CARMIL1: variants seen among roughly 807,000 people sequenced by gnomAD.
CARMIL1 encodes F-actin-uncapping protein LRRC16A.
CARMIL1 carries 90 observed loss-of-function variants against 177.1 expected under a neutral mutation model. The observed-to-expected ratio is 0.51, with a 90% CI of 0.43 to 0.61. The LOEUF is 0.61. Ranked by LOEUF, CARMIL1 falls within the 20% of genes least tolerant of loss-of-function variation. The pLI is 0.00. For missense variants in CARMIL1, 1,380 were observed against 1,667.0 expected, an observed-to-expected ratio of 0.83 and a Z score of 3.00; for synonymous variants, 577 against 606.2, an observed-to-expected ratio of 0.95 and a Z score of 0.71.
At chr6:25,474,541 C>T (rs115711204) in intron 11 of CARMIL1, among the ~76,000 whole-genome samples, 1,752 of 152,246 alleles carry the variant, frequency 0.012, 38 homozygotes, top group African/African-American at 0.04. Context: ...AAATCTCCAG[C>T]GTAACTTGTC....
At chr6:25,521,601 C>T (rs1415432454) in intron 23 of CARMIL1, among the ~76,000 whole-genome samples, 5 of 152,122 alleles carry the variant, frequency 3.3e-5, no homozygotes, top group Non-Finnish European at 5.9e-5. Flanking sequence ...AACCCCGTCT[C>T]TACTGAAAAT....
In CARMIL1 at chr6:25,619,560, GAA is replaced by G; in HGVS notation, c.4097_4098del (p.Lys1366ArgfsTer21). On this transcript the variant is annotated frameshift_variant, in exon 37 of 37. Transcript: ENST00000329474. LOFTEE classifies it high-confidence loss of function. ...ATCTAATGACTCCGGGGAAGAAGCA[GAA>G]AAAGAGTTTATTTTTGTGTAAAGGT... ...SKSNDSGEEA[E>X]KEFIFV The G allele has an allele frequency of 6.2e-7, 1 of 1,613,632 alleles. No homozygotes were observed. The highest frequency in any genetic ancestry group is 8.5e-7 in the Non-Finnish European group (1 of 1,179,762).
At position 25,567,706 on chromosome 6, in the gene CARMIL1, G is replaced by A. The variant is rs115015334; in HGVS notation, c.2742+10856G>A. 7.2e-3 allele frequency among the ~76,000 whole-genome samples: 1,095 copies of A among 152,328 alleles called. 7 individuals carry two copies. The highest frequency in any genetic ancestry group is 0.031 in the Middle Eastern group (9 of 294). ...ACAAAAAGAAGTGGCCTAAATGTGGGTGGAGGGAGAAAGAAAACTAGTGCA... is the reference window on the plus strand; with the variant it reads ...ACAAAAAGAAGTGGCCTAAATGTGGATGGAGGGAGAAAGAAAACTAGTGCA... On this transcript the variant is annotated intron_variant, in intron 29 of 36. Transcript: ENST00000329474.
intron 2 of CARMIL1, among the ~76,000 whole-genome samples, chr6:25,411,460 A>C (rs144620276): frequency 2.7e-4 from 41 of 152,322 alleles, no homozygotes; most frequent in African/African-American, 8.7e-4. Flanking sequence ...ACATTGTTCT[A>C]ACAGAATCAC....
intron 26 of CARMIL1, among the ~76,000 whole-genome samples, chr6:25,544,587 T>C (rs979293748): frequency 3.4e-5 from 5 of 148,202 alleles, no homozygotes; most frequent in African/African-American, 1.2e-4. Context: ...AAAACTGAGA[T>C]CATTTACTGT....
chr6:25,492,712 G>A (rs1803360887), intron 15 of CARMIL1, among the ~76,000 whole-genome samples: 1 of 152,014 alleles, frequency 6.6e-6, no homozygotes, highest in Admixed American at 6.6e-5. Flanking sequence ...CATGGGTATT[G>A]GTTAATATTA....
chr6:25,611,528 G>A (rs1816504468), intron 36 of CARMIL1, among the ~76,000 whole-genome samples: 1 of 152,130 alleles, frequency 6.6e-6, no homozygotes, highest in Admixed American at 6.5e-5. Context: ...TTCTGCAACT[G>A]CTGACTTTAC....
intron 5 of CARMIL1, among the ~76,000 whole-genome samples, chr6:25,444,321 TA>T (rs1211637495): frequency 2.2e-4 from 33 of 146,866 alleles, no homozygotes; most frequent in South Asian, 2.2e-4. Context: ...CAAGGGACAT[TA>T]AAAAAAAAAG....
At chr6:25,565,593 T>G (rs1400199184) in intron 29 of CARMIL1, among the ~76,000 whole-genome samples, 1 of 152,230 alleles carries the variant, frequency 6.6e-6, no homozygotes, top group African/African-American at 2.4e-5. Context: ...ACGCCTGTAA[T>G]CCTAGCACTT....
chr6:25,305,996 A>G (rs1246234867), intron 2 of CARMIL1, among the ~76,000 whole-genome samples: 3 of 152,206 alleles, frequency 2.0e-5, no homozygotes, highest in Non-Finnish European at 4.4e-5. Flanking sequence ...GTTCAGCGGC[A>G]TGAAGTATAT....
intron 11 of CARMIL1, among the ~76,000 whole-genome samples, chr6:25,477,491 C>G (rs180885437): frequency 6.6e-6 from 1 of 152,172 alleles, no homozygotes; most frequent in African/African-American, 2.4e-5. Context: ...ACAAGCTATT[C>G]TTATCCTTGT....
intron 1 of CARMIL1, among the ~76,000 whole-genome samples, chr6:25,280,252 A>G (rs532904787): frequency 1.2e-4 from 19 of 152,306 alleles, no homozygotes; most frequent in African/African-American, 4.3e-4. Context: ...GCCTATTGGA[A>G]GGACAGGTGG....
chr6:25,572,774 G>A (rs1013641830), intron 29 of CARMIL1, among the ~76,000 whole-genome samples: 1 of 145,844 alleles, frequency 6.9e-6, no homozygotes, highest in East Asian at 2.1e-4. Context: ...GGAAGTTTTT[G>A]TCTGTGTAAC....
Position 25,472,544 on chromosome 6 carries a change from A to G in CARMIL1, c.874+23A>G, listed in dbSNP as rs376735189. The G allele has an allele frequency of 1.2e-5, 18 of 1,510,894 alleles. No individual in the cohort carries two copies. In the South Asian group the frequency reaches 1.8e-4, roughly 15 times the overall value. 93.6% of individuals were successfully genotyped at this position (1,510,894 alleles called of 1,614,324 possible). Reference sequence around the variant, plus strand: ...GAGGTACTGCAGAGTTCTCATTATCATTGATGCCAGAATTGTAAGAGGATT... The same window carrying G: ...GAGGTACTGCAGAGTTCTCATTATCGTTGATGCCAGAATTGTAAGAGGATT... On this transcript the variant is annotated intron_variant, in intron 11 of 36. Coordinates refer to ENST00000329474, the MANE Select transcript of CARMIL1 (RefSeq NM_017640.6).
intron 24 of CARMIL1, among the ~76,000 whole-genome samples, chr6:25,535,704 T>G (rs1041005329): frequency 2.0e-5 from 3 of 152,202 alleles, no homozygotes; most frequent in Admixed American, 6.5e-5. Context: ...ATTTTTCGTA[T>G]TTATGTACTT....
At chr6:25,610,498 C>T (rs935015483) in intron 36 of CARMIL1, among the ~76,000 whole-genome samples, 40 of 152,124 alleles carry the variant, frequency 2.6e-4, no homozygotes, top group Middle Eastern at 3.2e-3. Flanking sequence ...GATTTTATGA[C>T]GTATTTGGGG....
intron 31 of CARMIL1, among the ~76,000 whole-genome samples, chr6:25,592,484 C>T (rs1814416000): frequency 6.6e-6 from 1 of 152,170 alleles, no homozygotes; most frequent in African/African-American, 2.4e-5. Context: ...TGATTGTCTG[C>T]TCTTGTGCAA....
At chr6:25,480,572 A>T (rs1322906936) in intron 11 of CARMIL1, among the ~76,000 whole-genome samples, 1 of 150,522 alleles carries the variant, frequency 6.6e-6, no homozygotes, top group East Asian at 1.9e-4. Flanking sequence ...TGATATTTTT[A>T]TTCAAATAAA....
chr6:25,458,340 T>A (rs1799714841), intron 8 of CARMIL1, among the ~76,000 whole-genome samples: 1 of 152,074 alleles, frequency 6.6e-6, no homozygotes, highest in African/African-American at 2.4e-5. Flanking sequence ...TACAAAAAAT[T>A]AGCTGGGCGT....
Sources: allele counts gnomAD v4.1 joint callset (sites outside exome capture counted in the v4.1 genomes callset), GRCh38; gene constraint gnomAD v4.1.1; transcripts MANE v1.5; gene names NCBI Gene and HGNC (gene_info 2026-07-23, HGNC 2026-07-21).